Variants in ACSL5 observed in about 807,000 individuals in gnomAD.
The protein encoded by ACSL5 is long-chain-fatty-acid--CoA ligase 5.
A neutral mutation model predicts 84.9 loss-of-function variants in ACSL5; 50 were observed. That is an observed-to-expected ratio of 0.59 (90% CI 0.47 to 0.75). The LOEUF (loss-of-function observed/expected upper bound fraction) is 0.75, where lower values mean the gene tolerates loss of function less well. ACSL5 is among the 30% of genes least tolerant of loss of function. The pLI, the probability that ACSL5 is intolerant of heterozygous loss-of-function variation, is 0.00. For missense variants in ACSL5, 775 were observed against 830.4 expected (o/e 0.93, Z 0.82); for synonymous variants, 280 against 300.7 (o/e 0.93, Z 0.71).
At position 112,411,528 on chromosome 10, in the gene ACSL5, A is replaced by C; in HGVS notation, c.869A>C (p.Glu290Ala). Residue 290 changes from glutamate to alanine, a missense_variant and splice_region_variant, in exon 10 of 21, where the codon GAG becomes GCG. By Grantham distance (107) the Glu-to-Ala change is moderately radical. Transcript: ENST00000354655. Reference protein sequence around the residue: ...SNAAAFLKCVEHAYEPTPDDV... With the variant: ...SNAAAFLKCVAHAYEPTPDDV... ...GCTGCTGCCTTTCTCAAATGTGTGG[A>C]GGTCAGTGGTCAGTTGAAAAAGAGG... 1 of 1,612,508 alleles carries C rather than the reference A, an allele frequency of 6.2e-7. No individual in the cohort carries two copies. Among genetic ancestry groups the C allele is most frequent in the Non-Finnish European group, 8.5e-7 (1 of 1,178,558 alleles).
chr10:112,391,193 A>G (rs563974520), intron 1 of ACSL5, among the ~76,000 whole-genome samples: 10 of 152,186 alleles, frequency 6.6e-5, no homozygotes, highest in Non-Finnish European at 1.2e-4. Flanking sequence ...AGCCTGGCCA[A>G]CATGGTGAAA....
At position 112,408,749 on chromosome 10, in the gene ACSL5, C is replaced by T. The variant is rs184917186; in HGVS notation, c.532+228C>T. ...CACAGAAAGAAGTTTCAATGACATG[C>T]GTCAGGGTGACATGGTATGATGATA... On this transcript the variant is annotated intron_variant, in intron 6 of 20. Coordinates refer to ENST00000354655, the MANE Select transcript of ACSL5 (RefSeq NM_203379.2). The T allele has an allele frequency of 2.2e-4, 103 of 470,346 alleles. 1 individual carries two copies. The East Asian group carries it at 3.3e-3, about 15-fold the overall frequency. 29.1% of individuals were successfully genotyped at this position (470,346 alleles called of 1,614,324 possible).
At position 112,426,877 on chromosome 10, in the gene ACSL5, T is replaced by A; in HGVS notation, c.1911+18T>A. On this transcript the variant is annotated intron_variant, in intron 20 of 20. Coordinates refer to ENST00000354655, the MANE Select transcript of ACSL5 (RefSeq NM_203379.2). ...TTGAACAGGTGTGTGCTACCACTGATGTTATACTGGCCTCTTGTCAGAAAG... is the reference window on the plus strand; with the variant it reads ...TTGAACAGGTGTGTGCTACCACTGAAGTTATACTGGCCTCTTGTCAGAAAG... 2 of 1,575,752 alleles carry A rather than the reference T, an allele frequency of 1.3e-6. No homozygotes were observed. The highest frequency in any genetic ancestry group is 2.2e-5 in the South Asian group (2 of 90,114).
intron 13 of ACSL5, among the ~76,000 whole-genome samples, chr10:112,417,480 G>A (rs1359166681): frequency 6.6e-6 from 1 of 151,146 alleles, no homozygotes; most frequent in Non-Finnish European, 1.5e-5. Flanking sequence ...TCCAGCCTGG[G>A]CAGTAGGGCC....
chr10:112,404,816 T>C lies in ACSL5; in HGVS notation c.432+10T>C, dbSNP rs754053839. ...TCAGAATAGGCCAGAGGTAACTATG[T>C]TGAAGTTAACTAAAGGAAATGAGTC... On this transcript the variant is annotated intron_variant, in intron 5 of 20. Transcript: ENST00000354655. 3 of 1,603,014 alleles carry C rather than the reference T, an allele frequency of 1.9e-6. No homozygotes were observed. The Admixed American group carries it at 5.1e-5, about 27-fold the overall frequency.
At chr10:112,374,458 G>A (rs374451920) in intron 1 of ACSL5, among the ~76,000 whole-genome samples, 189 bp downstream of exon 1, 2 of 152,162 alleles carry the variant, frequency 1.3e-5, no homozygotes, top group South Asian at 2.1e-4. Flanking sequence ...AAATCAGTTG[G>A]AAAAGGGGTG....
Position 112,409,496 on chromosome 10 carries a change from T to A in ACSL5, c.533-11T>A. 6.2e-7 allele frequency: 1 copy of A among 1,612,296 alleles called. No homozygotes were observed. On this transcript the variant is annotated splice_polypyrimidine_tract_variant and intron_variant, in intron 6 of 20. Coordinates refer to ENST00000354655, the MANE Select transcript of ACSL5 (RefSeq NM_203379.2). ...AGAGGGAATGACCTCTGGTTCTATTTTGGCTTCCAGCTGATATCGCCATGG... is the reference window on the plus strand; with the variant it reads ...AGAGGGAATGACCTCTGGTTCTATTATGGCTTCCAGCTGATATCGCCATGG...
intron 1 of ACSL5, among the ~76,000 whole-genome samples, chr10:112,390,431 G>A (rs893106578): frequency 3.3e-5 from 5 of 152,186 alleles, no homozygotes; most frequent in Non-Finnish European, 7.3e-5. Context: ...TACATTGCTG[G>A]TTGGATATAA....
At chr10:112,399,934 T>C (rs972284288) in intron 3 of ACSL5, among the ~76,000 whole-genome samples, 13 of 152,204 alleles carry the variant, frequency 8.5e-5, no homozygotes, top group Admixed American at 8.5e-4. Context: ...GATAGGAAAA[T>C]CTAAGTGTGT....
intron 1 of ACSL5, among the ~76,000 whole-genome samples, chr10:112,387,436 G>T (rs1255123222): frequency 6.6e-6 from 1 of 152,116 alleles, no homozygotes; most frequent in African/African-American, 2.4e-5. Flanking sequence ...TTTCATACTG[G>T]CCTTTTGTCA....
chr10:112,427,293 C>T lies in ACSL5; in HGVS notation c.1987C>T (p.Arg663Ter), dbSNP rs768238173. The T allele has an allele frequency of 2.4e-5, 38 of 1,613,616 alleles. No individual in the cohort carries two copies. The highest frequency in any genetic ancestry group is 5.5e-5 in the South Asian group (5 of 91,014). Residue 663 changes from arginine (R) to a stop codon, truncating the protein, a stop_gained, in exon 21 of 21, where the codon CGA (arginine) becomes TGA (stop). Transcript: ENST00000354655. LOFTEE classifies it high-confidence loss of function. ...GLLTPTLKAK[R>*]GELSKYFRTQ... ...CTTGACACCAACATTGAAAGCAAAG[C>T]GAGGAGAGCTTTCCAAATACTTTCG...
intron 1 of ACSL5, chr10:112,375,546 T>A (rs1849219785): frequency 2.0e-5 from 3 of 152,340 alleles, no homozygotes; most frequent in Non-Finnish European, 2.9e-5. Flanking sequence ...TTCTGAGGTA[T>A]CTGTGAGGTG....
At chr10:112,420,247 A>G (rs1844425158) in intron 14 of ACSL5, among the ~76,000 whole-genome samples, 1 of 152,098 alleles carries the variant, frequency 6.6e-6, no homozygotes, top group Non-Finnish European at 1.5e-5. Flanking sequence ...ATCACAGGCC[A>G]CACCCCCCAT....
At chr10:112,418,314 G>A (rs1844365637) in intron 14 of ACSL5, among the ~76,000 whole-genome samples, 1 of 152,166 alleles carries the variant, frequency 6.6e-6, no homozygotes, top group Non-Finnish European at 1.5e-5. Flanking sequence ...GGGCATGGTG[G>A]CTCATGCCTG....
At chr10:112,375,903 A>T (rs1849229029) in intron 1 of ACSL5, among the ~76,000 whole-genome samples, 1 of 152,150 alleles carries the variant, frequency 6.6e-6, no homozygotes, top group South Asian at 2.1e-4. Context: ...GGGCTGAGGT[A>T]CCCTCTAGCC....
chr10:112,388,418 A>G (rs1391168702), intron 1 of ACSL5, among the ~76,000 whole-genome samples: 1 of 152,178 alleles, frequency 6.6e-6, no homozygotes, highest in East Asian at 1.9e-4. Context: ...AGTATTGATT[A>G]GGGAGCAATC....
chr10:112,395,002 G>T lies in ACSL5; in HGVS notation c.56G>T (p.Cys19Phe), dbSNP rs756825791. Residue 19 changes from cysteine to phenylalanine, a missense_variant, in exon 2 of 21, where the codon TGC becomes TTC. Physicochemically the swap from Cys to Phe is radical, Grantham distance 205. Coordinates refer to ENST00000354655, the MANE Select transcript of ACSL5 (RefSeq NM_203379.2). ...CCACTTCCGACCCCGGCGTTGATCT[G>T]CATCCTGACATTTGGAGCTGCCATC... is the stretch of plus-strand genomic sequence containing the variant. ...FSPLPTPALI[C>F]ILTFGAAIFL... The T allele has an allele frequency of 6.2e-7, 1 of 1,613,714 alleles. No individual in the cohort carries two copies. Among genetic ancestry groups the T allele is most frequent in the Non-Finnish European group, 8.5e-7 (1 of 1,179,982 alleles).
At chr10:112,423,731 C>T (rs1366897966) in intron 17 of ACSL5, among the ~76,000 whole-genome samples, 1 of 152,142 alleles carries the variant, frequency 6.6e-6, no homozygotes, top group African/African-American at 2.4e-5. Flanking sequence ...AATAAATTTG[C>T]TACCAGCCAG....
At chr10:112,399,098 G>A (rs943829261) in intron 3 of ACSL5, 89 bp downstream of exon 3, 16 of 1,101,888 alleles carry the variant, frequency 1.5e-5, no homozygotes, top group Middle Eastern at 2.7e-4. Context: ...TAAAACCCCA[G>A]CTATTTAGAT....
Sources: allele counts gnomAD v4.1 joint callset (sites outside exome capture counted in the v4.1 genomes callset), GRCh38; gene constraint gnomAD v4.1.1; transcripts MANE v1.5; gene names NCBI Gene and HGNC (gene_info 2026-07-23, HGNC 2026-07-21).